Variants in TBL1X observed in about 807,000 individuals in gnomAD.
TBL1X encodes the protein transducin beta like 1 X-linked.
Under a neutral mutation model 50.7 loss-of-function variants are expected in TBL1X, and 10 were observed. That is an observed-to-expected ratio of 0.20 (90% confidence interval 0.12 to 0.33). TBL1X has a LOEUF of 0.33. Among genes scored for constraint, TBL1X ranks in the 10% least tolerant of loss-of-function variants. The pLI, the probability that TBL1X is intolerant of heterozygous loss-of-function variation, is 1.00. For synonymous variants in TBL1X, 190 were observed against 214.7 expected, an observed-to-expected ratio of 0.88 and a Z score of 1.01; for missense variants, 340 against 504.4, an observed-to-expected ratio of 0.67 and a Z score of 3.12.
At chrX:9,563,315 A>G (rs891798949) in intron 2 of TBL1X, among the ~76,000 whole-genome samples, 1 of 113,172 alleles carries the variant, frequency 8.8e-6, no homozygotes, top group African/African-American at 3.2e-5. Context: ...TTCAGGGGCA[A>G]TAAAATCCAT....
chrX:9,611,535 A>AT (rs1224214579), intron 2 of TBL1X, among the ~76,000 whole-genome samples: 1 of 112,396 alleles, frequency 8.9e-6, no homozygotes, highest in Admixed American at 9.4e-5. Flanking sequence ...CCCAGTGCTG[A>AT]TTCCCCAATG....
At chrX:9,703,704 G>A (rs1274561311) in intron 12 of TBL1X, among the ~76,000 whole-genome samples, 2 of 112,127 alleles carry the variant, frequency 1.8e-5, no homozygotes, top group Non-Finnish European at 3.8e-5. Context: ...TCCCTGTCCC[G>A]GGCACTGCTG....
intron 15 of TBL1X, among the ~76,000 whole-genome samples, chrX:9,710,865 T>TC (rs1384491948): frequency 2.7e-5 from 3 of 112,273 alleles, no homozygotes; most frequent in Non-Finnish European, 5.6e-5. Flanking sequence ...ACAGGCATGA[T>TC]CTACTGTACC....
At chrX:9,630,845 G>A (rs1369749330) in intron 2 of TBL1X, among the ~76,000 whole-genome samples, 1 of 112,185 alleles carries the variant, frequency 8.9e-6, no homozygotes, top group East Asian at 2.8e-4. Context: ...CAAAGTGCCG[G>A]GATTAGAGGC....
chrX:9,711,542 T>A, intron 15 of TBL1X, 69 bp from the exon 16 acceptor site: 2 of 988,733 alleles, frequency 2.0e-6, no homozygotes, highest in Non-Finnish European at 2.6e-6. Context: ...GGAGATCTGA[T>A]ACACATTATG....
In TBL1X at chrX:9,661,712, C is replaced by T. The variant is rs192967140; in HGVS notation, c.211+7390C>T. The stretch of plus-strand genomic sequence containing the variant: ...AGGCTGTGCTGAGCGCCCACCAACA[C>T]GCAGCGAGGTTATACTGTCCAAAAA... On this transcript the variant is annotated intron_variant, in intron 5 of 17. Transcript: ENST00000645353. Among the ~76,000 whole-genome samples, 343 of 111,183 alleles carry T rather than the reference C, an allele frequency of 3.1e-3. 2 individuals are homozygous for T. The highest frequency in any genetic ancestry group is 0.011 in the African/African-American group (331 of 30,638).
intron 1 of TBL1X, among the ~76,000 whole-genome samples, chrX:9,478,012 A>G (rs915813382): frequency 1.1e-4 from 12 of 111,710 alleles, no homozygotes; most frequent in African/African-American, 3.9e-4. Flanking sequence ...CAGGAGAGGA[A>G]GGTGGGGAAA....
At chrX:9,464,387 A>T (rs2081755891), upstream of TBL1X, among the ~76,000 whole-genome samples, 1 of 111,349 alleles carries the variant, frequency 9.0e-6, no homozygotes, top group South Asian at 3.8e-4. Context: ...TTTGTCCCTA[A>T]GCATTTCTGG....
At chrX:9,574,495 C>T (rs1399736538) in intron 2 of TBL1X, among the ~76,000 whole-genome samples, 1 of 105,473 alleles carries the variant, frequency 9.5e-6, no homozygotes, top group Admixed American at 1.0e-4. Context: ...GTACTTGTTG[C>T]CTGGCCACAG....
intron 2 of TBL1X, among the ~76,000 whole-genome samples, chrX:9,601,312 G>C (rs1403140250): frequency 1.8e-5 from 2 of 111,159 alleles, no homozygotes; most frequent in African/African-American, 6.6e-5. Context: ...TTTGGGGTGA[G>C]AGTTGGTATC....
chrX:9,581,404 C>T (rs1370356599), intron 2 of TBL1X, among the ~76,000 whole-genome samples: 1 of 111,767 alleles, frequency 8.9e-6, no homozygotes, highest in Non-Finnish European at 1.9e-5. Context: ...AGCAGAATAG[C>T]CCACAGTTCA....
intron 1 of TBL1X, among the ~76,000 whole-genome samples, chrX:9,488,246 G>T (rs986065269): frequency 3.6e-5 from 4 of 112,157 alleles, no homozygotes; most frequent in Non-Finnish European, 7.5e-5. Flanking sequence ...ATTATCTTAC[G>T]GTTCTGAAGG....
intron 2 of TBL1X, among the ~76,000 whole-genome samples, chrX:9,614,336 G>A (rs1490704269): frequency 9.0e-6 from 1 of 111,555 alleles, no homozygotes; most frequent in African/African-American, 3.3e-5. Context: ...GGGAGGCTGA[G>A]TCAGGAGGAT....
rs770953026 is a variant in TBL1X, at chrX:9,619,050, G to T, written c.-130-21223G>T. On this transcript the variant is annotated intron_variant, in intron 2 of 17. Coordinates refer to ENST00000645353, the MANE Select transcript of TBL1X (RefSeq NM_005647.4). ...TTAAAGTGATAGACGTTTAACCTTG[G>T]GCTTTCTCAGGACTCTAGAATATGA... is the stretch of plus-strand genomic sequence containing the variant. Among the ~76,000 whole-genome samples the T allele has an allele frequency of 2.7e-5, 3 of 111,762 alleles. No individual in the cohort carries two copies. In the East Asian group the frequency reaches 8.4e-4, roughly 31 times the overall value.
At chrX:9,696,177 G>A (rs978353350) in intron 11 of TBL1X, among the ~76,000 whole-genome samples, 3 of 112,641 alleles carry the variant, frequency 2.7e-5, no homozygotes, top group Middle Eastern at 9.2e-3. Context: ...ATGTGAAATG[G>A]TATCAGAACT....
intron 2 of TBL1X, among the ~76,000 whole-genome samples, chrX:9,546,968 G>A (rs1362618415): frequency 1.9e-5 from 2 of 105,001 alleles, no homozygotes; most frequent in Non-Finnish European, 3.9e-5. Flanking sequence ...ACAGGCGCCC[G>A]CTACCACGCC....
intron 2 of TBL1X, among the ~76,000 whole-genome samples, chrX:9,581,474 G>T (rs2082441544): frequency 9.0e-6 from 1 of 111,237 alleles, no homozygotes; most frequent in Admixed American, 9.6e-5. Flanking sequence ...GGGGGGATTG[G>T]GCACCCCTCC....
chrX:9,701,682 G>A (rs751261452), intron 12 of TBL1X, among the ~76,000 whole-genome samples: 2 of 110,281 alleles, frequency 1.8e-5, no homozygotes, highest in South Asian at 3.9e-4. Context: ...CCTGGACCGC[G>A]GGTTGAACCA....
At chrX:9,516,600 G>A (rs16985562) in intron 2 of TBL1X, among the ~76,000 whole-genome samples, 3,702 of 111,715 alleles carry the variant, frequency 0.033, 149 homozygotes, top group African/African-American at 0.11. Context: ...ATTTCCTTTC[G>A]GAGCATTTAG....
Sources: gnomAD v4.1 joint callset for allele counts (sites outside exome capture counted in the v4.1 genomes callset) on GRCh38, gnomAD v4.1.1 for gene constraint, MANE v1.5 for transcripts, NCBI Gene and HGNC (gene_info 2026-07-23, HGNC 2026-07-21) for gene names.